EEF1A2: variants seen among roughly 807,000 people sequenced by gnomAD.
EEF1A2 encodes the protein elongation factor 1-alpha 2.
A neutral mutation model predicts 39.3 loss-of-function variants in EEF1A2; 5 were observed. The observed-to-expected ratio is 0.13, with a 90% CI of 0.07 to 0.27. EEF1A2 has a LOEUF of 0.27. Among genes scored for constraint, EEF1A2 ranks in the 10% least tolerant of loss-of-function variants. The probability of loss-of-function intolerance (pLI) is 1.00; values close to 1 mark genes in which losing one functional copy is unlikely to be tolerated. For missense variants in EEF1A2, 218 were observed against 681.4 expected, an observed-to-expected ratio of 0.32 and a Z score of 7.57; for synonymous variants, 287 against 293.7, an observed-to-expected ratio of 0.98 and a Z score of 0.23.
chr20:63,488,899 C>T lies in EEF1A2; in HGVS notation c.1264+19G>A. 1 of 1,607,040 alleles carries T rather than the reference C, an allele frequency of 6.2e-7. No individual in the cohort carries two copies. The highest frequency in any genetic ancestry group is 8.5e-7 in the Non-Finnish European group (1 of 1,179,446). On this transcript the variant is annotated intron_variant, in intron 7 of 7. Coordinates refer to ENST00000217182, the MANE Select transcript of EEF1A2 (RefSeq NM_001958.5). ...GCCACAGCCTGGGGGCTGCACCTCC[C>T]CGGACCACCCCGGCTCACCGAGAGG...
At chr20:63,492,815 A>AGAAT (rs2082396527) in intron 5 of EEF1A2, among the ~76,000 whole-genome samples, 1 of 130,104 alleles carries the variant, frequency 7.7e-6, no homozygotes, top group Non-Finnish European at 1.6e-5. Flanking sequence ...GATAGAGAGA[A>AGAAT]GGATGGATGG....
At position 63,497,783 on chromosome 20, in the gene EEF1A2, G is replaced by C. The variant is rs1421262497; in HGVS notation, c.-20C>G. 1.2e-6 allele frequency: 2 copies of C among 1,608,110 alleles called. No homozygotes were observed. The highest frequency in any genetic ancestry group is 2.2e-5 in the East Asian group (1 of 44,782). ...GCCCATTTTGCTGGGAGTGTGAGGG[G>C]CTGGCGGGACCCGGGGTGCTCTGGC... On this transcript the variant is annotated 5_prime_UTR_variant, in exon 2 of 8. Transcript: ENST00000217182. The surrounding 1 kb of genome is among the most constrained non-coding windows in gnomAD (Gnocchi z 7.3).
At chr20:63,495,146 A>T in intron 3 of EEF1A2, 45 bp from the exon 4 acceptor site, 2 of 1,588,966 alleles carry the variant, frequency 1.3e-6, no homozygotes, top group Non-Finnish European at 1.7e-6. Context: ...CCTGCCTGGC[A>T]GGGGACAGAG....
Position 63,488,400 on chromosome 20 carries a change from C to T in EEF1A2, c.1290G>A (p.Arg430=). 6.8e-7 allele frequency: 1 copy of T among 1,473,674 alleles called. No homozygotes were observed. Among genetic ancestry groups the T allele is most frequent in the Non-Finnish European group, 9.0e-7 (1 of 1,114,874 alleles). The allele number at this position is 1,473,674 out of a possible 1,614,324, so 91.3% of individuals were successfully genotyped here. The change falls in exon 8 of 8, where the codon AGG becomes AGA. Residue 430 remains arginine (R), a synonymous_variant. Transcript: ENST00000217182. The part of the protein sequence containing the change: ...PLGRFAVRDM[R]QTVAVGVIKN... ...TGATGACGCCTACGGCCACCGTCTGCCTCATGTCGCGCACGGCGAAGCGGC... is the reference window on the plus strand; with the variant it reads ...TGATGACGCCTACGGCCACCGTCTGTCTCATGTCGCGCACGGCGAAGCGGC...
intron 5 of EEF1A2, among the ~76,000 whole-genome samples, chr20:63,491,864 AGGTG>A (rs1968916467): frequency 6.7e-5 from 4 of 59,520 alleles, no homozygotes; most frequent in African/African-American, 1.8e-4. Context: ...ATGGATGGGG[AGGTG>A]GATGGATAGA....
At chr20:63,494,682 G>C (rs551302193) in intron 4 of EEF1A2, 123 bp downstream of exon 4, 16 of 1,341,680 alleles carry the variant, frequency 1.2e-5, no homozygotes, top group Non-Finnish European at 1.5e-5. Context: ...AGCAGGTTTC[G>C]AGGGGAACCT....
At position 63,489,372 on chromosome 20, in the gene EEF1A2, A is replaced by AAGGGGC. The variant is rs143950056; in HGVS notation, c.1030-226_1030-221dup. ...TAAACAACTGAGATTCATTGTTTCGAAGGGGCAGGGGCAGCACTTACACGG... is the reference window on the plus strand; with the variant it reads ...TAAACAACTGAGATTCATTGTTTCGAAGGGGCAGGGGCAGGGGCAGCACTTACACGG... On this transcript the variant is annotated intron_variant, in intron 6 of 7. Coordinates refer to ENST00000217182, the MANE Select transcript of EEF1A2 (RefSeq NM_001958.5). Among the ~76,000 whole-genome samples, 5,215 of 152,280 alleles carry AAGGGGC rather than the reference A, an allele frequency of 0.034. 289 individuals carry two copies. The highest frequency in any genetic ancestry group is 0.12 in the African/African-American group (4,946 of 41,522).
Position 63,498,665 on chromosome 20 carries a change from T to C in EEF1A2, c.-72+393A>G, listed in dbSNP as rs2082429651. On this transcript the variant is annotated intron_variant, in intron 1 of 7. Transcript: ENST00000217182. The surrounding 1 kb of genome is among the most constrained non-coding windows in gnomAD (Gnocchi z 4.1). ...ACGCTGCTCCTCGCGGACAGGTGGC[T>C]GGGGGAGGGAAAGAGGACAGAAGCC... 6.9e-6 allele frequency: 1 copy of C among 144,524 alleles called. No individual in the cohort carries two copies. The highest frequency in any genetic ancestry group is 1.5e-5 in the Non-Finnish European group (1 of 65,436). The allele number at this position is 144,524 out of a possible 1,614,324, so 9.0% of individuals were successfully genotyped here.
At chr20:63,493,390 C>A (rs1479463899) in intron 4 of EEF1A2, 103 bp from the exon 5 acceptor site, 3 of 1,351,472 alleles carry the variant, frequency 2.2e-6, no homozygotes, top group Admixed American at 3.0e-5. Context: ...TCAGGCTAAA[C>A]TTGCCTCGTG....
At chr20:63,492,154 A>G (rs1208609523) in intron 5 of EEF1A2, among the ~76,000 whole-genome samples, 1 of 106,566 alleles carries the variant, frequency 9.4e-6, no homozygotes, top group Non-Finnish European at 1.9e-5. Flanking sequence ...GGGGAGGTGG[A>G]TGGATGGATG....
chr20:63,488,504 GC>G lies in EEF1A2; in HGVS notation c.1265-80del, dbSNP rs1568994331. ...ACCCCAGGGCTCTGGCCGGGCGGGG[GC>G]GCAACCGCGTCGGGAATGTCCTCGG... is the stretch of plus-strand genomic sequence containing the variant. On this transcript the variant is annotated intron_variant, in intron 7 of 7. Transcript: ENST00000217182. 4 of 1,312,566 alleles carry G rather than the reference GC, an allele frequency of 3.0e-6. No individual in the cohort carries two copies. The East Asian group carries it at 1.3e-4, about 43-fold the overall frequency. The allele number at this position is 1,312,566 out of a possible 1,614,324, so 81.3% of individuals were successfully genotyped here.
chr20:63,496,030 C>G lies in EEF1A2; in HGVS notation c.150G>C (p.Gly50=), dbSNP rs751627255. Residue 50 remains glycine (G), a synonymous_variant, in exon 3 of 8, where the codon GGG becomes GGC. Transcript: ENST00000217182. ...CCCAGGCATACTTGAAGGATCCCTTCCCCATCTGGAGCGGGTGAGGGTCAC... is the reference window on the plus strand; with the variant it reads ...CCCAGGCATACTTGAAGGATCCCTTGCCCATCTGGAGCGGGTGAGGGTCAC... The part of the protein sequence containing the change: ...EKFEKEAAEM[G]KGSFKYAWVL... The G allele has an allele frequency of 8.7e-6, 14 of 1,612,454 alleles. No individual in the cohort carries two copies. In the African/African-American group the frequency reaches 1.9e-4, roughly 22 times the overall value.
intron 4 of EEF1A2, among the ~76,000 whole-genome samples, chr20:63,494,059 C>T (rs1358593480): frequency 6.6e-6 from 1 of 152,246 alleles, no homozygotes; most frequent in African/African-American, 2.4e-5. Context: ...CCAGTTCTGT[C>T]CCCAGACCTC....
rs1321867377 is a variant in EEF1A2, at chr20:63,490,557, C to G, written c.951G>C (p.Val317=). The G allele has an allele frequency of 6.2e-7, 1 of 1,612,680 alleles. No individual in the cohort carries two copies. Among genetic ancestry groups the G allele is most frequent in the Non-Finnish European group, 8.5e-7 (1 of 1,179,964 alleles). Residue 317 remains valine (V), a synonymous_variant, in exon 6 of 8, where the codon GTG becomes GTC. Transcript: ENST00000217182. ...ACACGTTGCCCCGCCGGATGTCCTT[C>G]ACCGACACGTTCTTCACATTGAAGC... is the stretch of plus-strand genomic sequence containing the variant. ...NVGFNVKNVS[V]KDIRRGNVCG...
rs374272155 is a variant in EEF1A2 at position 63,490,466 on chromosome 20, C to G, written c.1029+13G>C. ...GCAGGCGCCAGCCCCCTGGACCCAGCGCAGCCCCCCACCTGGGAGGTGAAC... is the reference window on the plus strand; with the variant it reads ...GCAGGCGCCAGCCCCCTGGACCCAGGGCAGCCCCCCACCTGGGAGGTGAAC... On this transcript the variant is annotated intron_variant, in intron 6 of 7. Coordinates refer to ENST00000217182, the MANE Select transcript of EEF1A2 (RefSeq NM_001958.5). 13 of 1,603,530 alleles carry G rather than the reference C, an allele frequency of 8.1e-6. No individual in the cohort carries two copies. In the South Asian group the frequency reaches 1.3e-4, roughly 16 times the overall value.
chr20:63,488,588 C>T (rs2750401), intron 7 of EEF1A2, among the ~76,000 whole-genome samples, 163 bp from the exon 8 acceptor site: 1 of 152,068 alleles, frequency 6.6e-6, no homozygotes, highest in East Asian at 1.9e-4. Flanking sequence ...GGGAGTCCTG[C>T]CTGGGCGGCT....
At chr20:63,492,542 ATGGATGGATAGAGAG>A (rs2082392756) in intron 5 of EEF1A2, among the ~76,000 whole-genome samples, 1 of 148,412 alleles carries the variant, frequency 6.7e-6, no homozygotes, top group African/African-American at 2.5e-5. Context: ...GGAAGGATGG[ATGGATGGATAGAGAG>A]AAGGATGGAT....
intron 2 of EEF1A2, 43 bp from the exon 3 acceptor site, chr20:63,496,078 C>A: frequency 6.2e-7 from 1 of 1,604,096 alleles, no homozygotes; most frequent in South Asian, 1.1e-5. Flanking sequence ...GACCCGGGAC[C>A]CAGGAGTCCC....
Position 63,497,823 on chromosome 20 carries a change from G to T in EEF1A2, c.-60C>A. ...GGTGCTCTGGCTCAGGGCGAGGGGG[G>T]CTGCAGTGATTCTGTGGGGCCAGTG... is the stretch of plus-strand genomic sequence containing the variant. On this transcript the variant is annotated 5_prime_UTR_variant, in exon 2 of 8. Transcript: ENST00000217182. This position sits in a 1 kb window ranked among gnomAD's most constrained non-coding sequence, Gnocchi z 7.3. 1 of 1,571,848 alleles carries T rather than the reference G, an allele frequency of 6.4e-7. No individual in the cohort carries two copies. Among genetic ancestry groups the T allele is most frequent in the Admixed American group, 1.8e-5 (1 of 56,490 alleles).
Sources: gnomAD v4.1 joint callset for allele counts (sites outside exome capture counted in the v4.1 genomes callset) on GRCh38, gnomAD v4.1.1 for gene constraint, Gnocchi (gnomAD v3.1) non-coding constraint, MANE v1.5 for transcripts, NCBI Gene and HGNC (gene_info 2026-07-23, HGNC 2026-07-21) for gene names.